Variants in FUNDC1 observed in about 807,000 individuals in gnomAD.
FUNDC1 encodes FUN14 domain-containing protein 1.
Under a neutral mutation model 14.5 loss-of-function variants are expected in FUNDC1, and 10 were observed. The observed-to-expected ratio is 0.69, with a 90% confidence interval of 0.43 to 1.17. FUNDC1 has a LOEUF of 1.17. Among genes scored for constraint, FUNDC1 ranks in the 50% most tolerant of loss-of-function variants. FUNDC1 has a pLI of 0.00. For synonymous variants in FUNDC1, 33 were observed against 39.7 expected, an observed-to-expected ratio of 0.83 and a Z score of 0.64; for missense variants, 115 against 113.8, an observed-to-expected ratio of 1.01 and a Z score of -0.05.
At chrX:44,525,174 CT>C (rs1359278932) in intron 4 of FUNDC1, among the ~76,000 whole-genome samples, 1 of 110,857 alleles carries the variant, frequency 9.0e-6, no homozygotes, top group African/African-American at 3.3e-5. Flanking sequence ...CTAAATGAGA[CT>C]TCATAGACAT....
chrX:44,534,964 T>C (rs1265874171), intron 3 of FUNDC1, among the ~76,000 whole-genome samples: 2 of 110,350 alleles, frequency 1.8e-5, no homozygotes, highest in African/African-American at 6.6e-5. Flanking sequence ...CTGGGCAACA[T>C]AGCAAGACCT....
chrX:44,534,353 AAAAT>A (rs1482839993), intron 3 of FUNDC1, among the ~76,000 whole-genome samples: 1 of 111,132 alleles, frequency 9.0e-6, no homozygotes, highest in Admixed American at 9.6e-5. Flanking sequence ...CTAAAACTGT[AAAAT>A]AAATAAAGAA....
intron 3 of FUNDC1, among the ~76,000 whole-genome samples, chrX:44,533,670 A>C (rs754139591): frequency 1.2e-3 from 130 of 108,673 alleles, no homozygotes; most frequent in African/African-American, 4.0e-3. Context: ...ACAACAACAA[A>C]AAAATAGTAT....
intron 3 of FUNDC1, among the ~76,000 whole-genome samples, chrX:44,533,391 A>G (rs2038933916): frequency 9.1e-6 from 1 of 110,397 alleles, no homozygotes; most frequent in Non-Finnish European, 1.9e-5. Flanking sequence ...GCACTTTGGG[A>G]GGCCGAGGCA....
In FUNDC1 at chrX:44,541,899, T is replaced by G. The variant is rs1348619807; in HGVS notation, c.185+46A>C. 3 of 1,140,920 alleles carry G rather than the reference T, an allele frequency of 2.6e-6. No individual in the cohort carries two copies. In the Admixed American group the frequency reaches 7.1e-5, roughly 27 times the overall value. The allele number at this position is 1,140,920 out of a possible 1,213,427, so 94.0% of individuals were successfully genotyped here. On this transcript the variant is annotated intron_variant, in intron 2 of 4. Coordinates refer to ENST00000378045, the MANE Select transcript of FUNDC1 (RefSeq NM_173794.4). Reference sequence around the variant, plus strand: ...TTGCCCATGTATGAAAGGACAGCAGTGTCAGGCCCCCAAATGAAATTTAAT... The same window carrying G: ...TTGCCCATGTATGAAAGGACAGCAGGGTCAGGCCCCCAAATGAAATTTAAT...
chrX:44,541,699 T>C (rs1173292154), intron 2 of FUNDC1, among the ~76,000 whole-genome samples: 5 of 111,322 alleles, frequency 4.5e-5, no homozygotes, highest in Non-Finnish European at 7.5e-5. Context: ...GGGGAAATTA[T>C]ATAAAGAATC....
At chrX:44,540,416 G>GTGTGTGTA (rs777640273) in intron 2 of FUNDC1, among the ~76,000 whole-genome samples, 1,012 of 85,717 alleles carry the variant, frequency 0.012, 15 homozygotes, top group African/African-American at 0.06. Context: ...TGTGTGTGTT[G>GTGTGTGTA]TGTGTGTGTG....
At chrX:44,528,589 A>T (rs899918782) in intron 3 of FUNDC1, among the ~76,000 whole-genome samples, 8 of 113,027 alleles carry the variant, frequency 7.1e-5, no homozygotes, top group African/African-American at 2.6e-4. Flanking sequence ...CTTTTGCAGA[A>T]TTTTACTTTT....
chrX:44,536,024 G>A (rs1025230302), intron 3 of FUNDC1, among the ~76,000 whole-genome samples: 4 of 103,504 alleles, frequency 3.9e-5, no homozygotes, highest in Admixed American at 1.1e-4. Context: ...AAATAATCCC[G>A]GCCGCCCGTG....
intron 3 of FUNDC1, among the ~76,000 whole-genome samples, chrX:44,534,285 A>G (rs1488511908): frequency 1.8e-5 from 2 of 109,982 alleles, no homozygotes; most frequent in African/African-American, 6.6e-5. Context: ...ATTGCTTGAG[A>G]CCAGCCTGGG....
At chrX:44,541,256 G>GT (rs1310798424) in intron 2 of FUNDC1, among the ~76,000 whole-genome samples, 6 of 112,121 alleles carry the variant, frequency 5.4e-5, no homozygotes, top group Non-Finnish European at 1.1e-4. Flanking sequence ...TATCTGGCTA[G>GT]TTTTTTTATT....
intron 3 of FUNDC1, 99 bp from the exon 4 acceptor site, chrX:44,527,464 T>C (rs1188294444): frequency 3.4e-6 from 2 of 591,063 alleles, no homozygotes; most frequent in Non-Finnish European, 4.8e-6. Context: ...TAGTAACCTA[T>C]AAAACTTATA....
At chrX:44,535,245 G>A (rs766375173) in intron 3 of FUNDC1, among the ~76,000 whole-genome samples, 6 of 111,393 alleles carry the variant, frequency 5.4e-5, no homozygotes, top group Non-Finnish European at 1.1e-4. Context: ...GGTGAGAGCC[G>A]TATACCAGGC....
intron 3 of FUNDC1, among the ~76,000 whole-genome samples, chrX:44,529,525 T>C (rs1290468330): frequency 9.0e-6 from 1 of 111,511 alleles, no homozygotes; most frequent in Admixed American, 9.6e-5. Flanking sequence ...AGCTCAGCAC[T>C]GACCATATGG....
chrX:44,525,179 T>C (rs1446687518), intron 4 of FUNDC1, among the ~76,000 whole-genome samples: 3 of 110,806 alleles, frequency 2.7e-5, no homozygotes, highest in Non-Finnish European at 5.7e-5. Flanking sequence ...TGAGACTTCA[T>C]AGACATGATA....
intron 3 of FUNDC1, among the ~76,000 whole-genome samples, chrX:44,534,024 C>T (rs2038937757): frequency 9.3e-6 from 1 of 108,085 alleles, no homozygotes; most frequent in South Asian, 4.1e-4. Flanking sequence ...AAGATCGCAC[C>T]ACTGCACTCC....
At chrX:44,533,329 T>C (rs1398147087) in intron 3 of FUNDC1, among the ~76,000 whole-genome samples, 1 of 110,579 alleles carries the variant, frequency 9.0e-6, no homozygotes, top group Non-Finnish European at 1.9e-5. Flanking sequence ...CACCAATCTC[T>C]TAAAAAAACA....
rs1258505376 is a variant in FUNDC1, at chrX:44,523,839, A to C, written c.*359T>G. 7.6e-6 allele frequency: 1 copy of C among 132,330 alleles called. No individual in the cohort carries two copies. Among genetic ancestry groups the C allele is most frequent in the East Asian group, 2.0e-4 (1 of 4,962 alleles). 10.9% of individuals were successfully genotyped at this position (132,330 alleles called of 1,213,427 possible). A position where few individuals can be genotyped will look rare whatever the true frequency, so the allele number is the denominator to read the frequency against. ...AACACAATGAAGAACATTTTATTTA[A>C]ATAAAAAGAGAATATTTCGCTAAGC... On this transcript the variant is annotated 3_prime_UTR_variant, in exon 5 of 5. Transcript: ENST00000378045.
intron 3 of FUNDC1, among the ~76,000 whole-genome samples, chrX:44,532,543 G>GTGTA (rs1402560235): frequency 1.1e-4 from 11 of 104,047 alleles, no homozygotes; most frequent in African/African-American, 4.1e-4. Flanking sequence ...GTGTGTGTGT[G>GTGTA]TATATATATA....
Sources: allele counts gnomAD v4.1 joint callset (sites outside exome capture counted in the v4.1 genomes callset), GRCh38; gene constraint gnomAD v4.1.1; transcripts MANE v1.5; gene names NCBI Gene and HGNC (gene_info 2026-07-23, HGNC 2026-07-21).